IL33: variants seen among roughly 807,000 people sequenced by gnomAD.
IL33 encodes the protein interleukin 33.
In IL33, 37 loss-of-function variants were observed where a neutral mutation model predicts 27.3. The ratio of observed to expected loss-of-function variants is 1.36; its 90% CI spans 1.04 to 1.78. The LOEUF (loss-of-function observed/expected upper bound fraction) is 1.78, where lower values mean the gene tolerates loss of function less well. Among genes scored for constraint, IL33 ranks in the 40% most tolerant of loss-of-function variants. IL33 has a pLI of 0.00. For missense variants in IL33, 406 were observed against 311.4 expected (o/e 1.30, Z -2.29); for synonymous variants, 132 against 102.9 (o/e 1.28, Z -1.71).
At chr9:6,239,134 C>T (rs1039491632) in intron 1 of IL33, among the ~76,000 whole-genome samples, 12 of 152,134 alleles carry the variant, frequency 7.9e-5, no homozygotes, top group African/African-American at 2.9e-4. Flanking sequence ...AGAGATCAAG[C>T]CGCAAACATA....
At chr9:6,215,493 G>A (rs893658481), upstream of IL33, among the ~76,000 whole-genome samples, 4 of 152,150 alleles carry the variant, frequency 2.6e-5, no homozygotes, top group African/African-American at 7.2e-5. Context: ...GGCCAAAAGT[G>A]AATATATAAA....
At chr9:6,220,980 C>G (rs1270433287) in intron 1 of IL33, among the ~76,000 whole-genome samples, 1 of 152,126 alleles carries the variant, frequency 6.6e-6, no homozygotes, top group Non-Finnish European at 1.5e-5. Context: ...TCTCAAACTC[C>G]TGGGCTTAAG....
At chr9:6,230,069 G>A (rs1818851498) in intron 1 of IL33, among the ~76,000 whole-genome samples, 1 of 152,166 alleles carries the variant, frequency 6.6e-6, no homozygotes, top group Non-Finnish European at 1.5e-5. Context: ...GAGTATGGAG[G>A]GAGGGGTAAG....
chr9:6,253,752 A>G (rs1446948482), intron 6 of IL33, 150 bp downstream of exon 6: 6 of 586,200 alleles, frequency 1.0e-5, no homozygotes, highest in East Asian at 2.8e-5. Flanking sequence ...TTAGATTCTC[A>G]GAGGATGCAT....
rs1018787719 is a variant in IL33, at chr9:6,257,559, AGTT to A, written c.*1392_*1394del. ...AACATTTTTTAACTACTAAAGGAGTAGTTTTTATTTTAAAGTCTTAGCAATTTC... is the reference window on the plus strand; with the variant it reads ...AACATTTTTTAACTACTAAAGGAGTATTTATTTTAAAGTCTTAGCAATTTC... On this transcript the variant is annotated 3_prime_UTR_variant, in exon 8 of 8. Transcript: ENST00000682010. 14 of 152,790 alleles carry A rather than the reference AGTT, an allele frequency of 9.2e-5. No individual in the cohort carries two copies. Among genetic ancestry groups the A allele is most frequent in the Admixed American group, 9.2e-4 (14 of 15,292 alleles). 9.5% of individuals were successfully genotyped at this position (152,790 alleles called of 1,614,324 possible).
Position 6,227,590 on chromosome 9 carries a change from A to G in IL33, c.-12+11738A>G, listed in dbSNP as rs911837760. On this transcript the variant is annotated intron_variant, in intron 1 of 7. Transcript: ENST00000682010. ...CTGTTATCTATTAGGCTTCCATGCA[A>G]TATTCTTTTTTCAGAAAAGGATTCT... Among the ~76,000 whole-genome samples the G allele has an allele frequency of 4.6e-5, 7 of 152,172 alleles. 1 individual carries two copies. In the East Asian group the frequency reaches 7.7e-4, roughly 17 times the overall value.
At chr9:6,247,083 G>A (rs913386372) in intron 2 of IL33, among the ~76,000 whole-genome samples, 1 of 152,200 alleles carries the variant, frequency 6.6e-6, no homozygotes, top group African/African-American at 2.4e-5. Flanking sequence ...ACCAAAGATA[G>A]AGTTACAGTT....
chr9:6,226,210 C>T (rs1458525088), intron 1 of IL33, among the ~76,000 whole-genome samples: 5 of 151,868 alleles, frequency 3.3e-5, no homozygotes, highest in East Asian at 3.9e-4. Context: ...GATGGGGCCT[C>T]GCTATGTTGC....
intron 1 of IL33, among the ~76,000 whole-genome samples, chr9:6,238,867 G>A (rs898713706): frequency 6.6e-6 from 1 of 152,198 alleles, no homozygotes; most frequent in Non-Finnish European, 1.5e-5. Context: ...AAGCCAGATT[G>A]CAGAACCATA....
chr9:6,230,900 T>G (rs1425390114), intron 1 of IL33, among the ~76,000 whole-genome samples: 1 of 152,204 alleles, frequency 6.6e-6, no homozygotes, highest in Non-Finnish European at 1.5e-5. Context: ...GCTTTGCTAC[T>G]TCTTACCTAT....
Position 6,256,266 on chromosome 9 carries a change from T to C in IL33, c.*98T>C. On this transcript the variant is annotated 3_prime_UTR_variant, in exon 8 of 8. Transcript: ENST00000682010. ...AGAGACAGGTGACATCTAAGGGAAA[T>C]GAAGAGTGCTTAGCATGTGTGGAAT... The C allele has an allele frequency of 1.2e-6, 1 of 825,200 alleles. No homozygotes were observed. Among genetic ancestry groups the C allele is most frequent in the Non-Finnish European group, 2.0e-6 (1 of 503,120 alleles). The allele number at this position is 825,200 out of a possible 1,614,324, so 51.1% of individuals were successfully genotyped here.
At chr9:6,230,622 T>C (rs537885058) in intron 1 of IL33, among the ~76,000 whole-genome samples, 1 of 152,270 alleles carries the variant, frequency 6.6e-6, no homozygotes, top group African/African-American at 2.4e-5. Flanking sequence ...CATATTGTGT[T>C]GGCAAACTTA....
At chr9:6,227,086 G>C (rs1012296806) in intron 1 of IL33, among the ~76,000 whole-genome samples, 5 of 152,222 alleles carry the variant, frequency 3.3e-5, no homozygotes, top group African/African-American at 9.6e-5. Flanking sequence ...TAAATTCTTA[G>C]AGATATGTGT....
At chr9:6,249,718 C>T (rs545697888) in intron 2 of IL33, among the ~76,000 whole-genome samples, 4 of 152,128 alleles carry the variant, frequency 2.6e-5, no homozygotes, top group South Asian at 2.1e-4. Context: ...CACAACTTCT[C>T]GCCAGCTCTG....
At chr9:6,254,957 A>G (rs1816644115) in intron 7 of IL33, among the ~76,000 whole-genome samples, 1 of 152,164 alleles carries the variant, frequency 6.6e-6, no homozygotes, top group South Asian at 2.1e-4. Context: ...AGGAACTACT[A>G]TGTTCCTCTA....
intron 2 of IL33, among the ~76,000 whole-genome samples, chr9:6,247,162 G>T (rs922958760): frequency 2.6e-5 from 4 of 151,954 alleles, no homozygotes; most frequent in African/African-American, 9.7e-5. Context: ...CAGGAAGAAA[G>T]TTTAAGAGTG....
chr9:6,224,056 A>T (rs1327294496), intron 1 of IL33, among the ~76,000 whole-genome samples: 1 of 152,126 alleles, frequency 6.6e-6, no homozygotes. Flanking sequence ...TCCTAGGCCA[A>T]CCCCTTCTCT....
intron 6 of IL33, among the ~76,000 whole-genome samples, chr9:6,254,153 G>A (rs866213420): frequency 2.2e-4 from 33 of 152,180 alleles, no homozygotes; most frequent in African/African-American, 7.5e-4. Context: ...AAAGAGGAAT[G>A]AATATTGGGT....
intron 1 of IL33, among the ~76,000 whole-genome samples, chr9:6,225,297 T>A (rs563696926): frequency 2.6e-5 from 4 of 152,210 alleles, no homozygotes; most frequent in African/African-American, 9.6e-5. Flanking sequence ...AAAAGTTCCA[T>A]GATAAACTGA....
Sources: allele counts gnomAD v4.1 joint callset (sites outside exome capture counted in the v4.1 genomes callset), GRCh38; gene constraint gnomAD v4.1.1; transcripts MANE v1.5; gene names NCBI Gene and HGNC (gene_info 2026-07-23, HGNC 2026-07-21).